XKR4: variants seen among roughly 807,000 people sequenced by gnomAD.
The protein encoded by XKR4 is XK-related protein 4.
A neutral mutation model predicts 53.9 loss-of-function variants in XKR4; 12 were observed. The ratio of observed to expected loss-of-function variants is 0.22; its 90% CI spans 0.14 to 0.36. The LOEUF (loss-of-function observed/expected upper bound fraction) is 0.36, where lower values mean the gene tolerates loss of function less well. XKR4 is among the 10% of genes least tolerant of loss of function. The pLI, the probability that XKR4 is intolerant of heterozygous loss-of-function variation, is 1.00. For synonymous variants in XKR4, 354 were observed against 362.4 expected (o/e 0.98, Z 0.26); for missense variants, 799 against 859.5 (o/e 0.93, Z 0.88).
intron 1 of XKR4, among the ~76,000 whole-genome samples, chr8:55,194,769 C>A (rs769905736): frequency 6.6e-6 from 1 of 152,106 alleles, no homozygotes; most frequent in Admixed American, 6.5e-5. Flanking sequence ...TCTCAGGTGT[C>A]AAACAAAGGA....
intron 2 of XKR4, among the ~76,000 whole-genome samples, chr8:55,388,047 A>T (rs1274866121): frequency 6.6e-6 from 1 of 152,198 alleles, no homozygotes; most frequent in Non-Finnish European, 1.5e-5. Context: ...TAATTTTTTA[A>T]AAAATAATTT....
At chr8:55,419,179 G>T (rs1023273588) in intron 2 of XKR4, among the ~76,000 whole-genome samples, 3 of 152,164 alleles carry the variant, frequency 2.0e-5, no homozygotes, top group African/African-American at 7.2e-5. Flanking sequence ...GAGGTCAGGA[G>T]TTCAAGACCA....
chr8:55,500,181 C>CAAAAAGAAAAAAAAAAAAAAA (rs1806414907), intron 2 of XKR4, among the ~76,000 whole-genome samples: 1 of 115,610 alleles, frequency 8.6e-6, no homozygotes, highest in African/African-American at 4.0e-5. Flanking sequence ...CAAATTGGGC[C>CAAAAAGAAAAAAAAAAAAAAA]AAAAAAAAAA....
intron 2 of XKR4, among the ~76,000 whole-genome samples, chr8:55,431,915 C>G (rs896117396): frequency 6.6e-6 from 1 of 152,052 alleles, no homozygotes; most frequent in Admixed American, 6.5e-5. Flanking sequence ...ACCCATTGAT[C>G]ATTAATCCAA....
chr8:55,357,441 T>G (rs1294468969), intron 1 of XKR4, among the ~76,000 whole-genome samples: 2 of 152,212 alleles, frequency 1.3e-5, no homozygotes, highest in Non-Finnish European at 2.9e-5. Context: ...TTCTTCATAT[T>G]GCAATTGAGC....
intron 1 of XKR4, among the ~76,000 whole-genome samples, chr8:55,309,151 G>T (rs113533769): frequency 4.6e-5 from 7 of 152,296 alleles, no homozygotes; most frequent in African/African-American, 1.7e-4. Context: ...AACACAAAAA[G>T]TTGTAAGTCA....
intron 2 of XKR4, among the ~76,000 whole-genome samples, chr8:55,391,330 T>C (rs1036105476): frequency 1.3e-5 from 2 of 152,232 alleles, no homozygotes; most frequent in Non-Finnish European, 2.9e-5. Context: ...GTAGCTTTAT[T>C]ATAACAACAA....
intron 2 of XKR4, among the ~76,000 whole-genome samples, chr8:55,430,644 G>C (rs1431475703): frequency 2.0e-5 from 3 of 152,202 alleles, no homozygotes; most frequent in Non-Finnish European, 4.4e-5. Flanking sequence ...CTATGTTAGT[G>C]CTAGGACTGT....
intron 1 of XKR4, chr8:55,164,564 G>A: frequency 2.5e-6 from 1 of 399,816 alleles, no homozygotes; most frequent in South Asian, 1.8e-5. Flanking sequence ...TAGTGCTTAT[G>A]GGCAAAATGA....
At chr8:55,199,700 G>C (rs1219855313) in intron 1 of XKR4, among the ~76,000 whole-genome samples, 1 of 152,182 alleles carries the variant, frequency 6.6e-6, no homozygotes, top group African/African-American at 2.4e-5. Context: ...ACTAACATTA[G>C]AGAAAATAAA....
intron 1 of XKR4, among the ~76,000 whole-genome samples, chr8:55,329,619 G>T (rs977273675): frequency 6.6e-6 from 1 of 152,262 alleles, no homozygotes; most frequent in Middle Eastern, 3.4e-3. Context: ...TAAATACCTA[G>T]TTCTTGTTTA....
At chr8:55,235,224 G>A (rs761982411) in intron 1 of XKR4, among the ~76,000 whole-genome samples, 5 of 152,168 alleles carry the variant, frequency 3.3e-5, no homozygotes, top group South Asian at 4.1e-4. Flanking sequence ...TCTCCTCTTC[G>A]AATAATGATT....
At chr8:55,465,773 C>T (rs1239691549) in intron 2 of XKR4, among the ~76,000 whole-genome samples, 2 of 151,936 alleles carry the variant, frequency 1.3e-5, no homozygotes, top group Non-Finnish European at 2.9e-5. Context: ...CTACAATGAA[C>T]TCAAACAAAT....
intron 1 of XKR4, among the ~76,000 whole-genome samples, chr8:55,177,210 T>C (rs2129359255): frequency 6.6e-6 from 1 of 152,132 alleles, no homozygotes; most frequent in South Asian, 2.1e-4. Context: ...CTAACTTTTG[T>C]ATTTTTAGTA....
At chr8:55,124,142 C>G (rs957941020) in intron 1 of XKR4, among the ~76,000 whole-genome samples, 4 of 152,170 alleles carry the variant, frequency 2.6e-5, no homozygotes, top group African/African-American at 9.7e-5. Flanking sequence ...CCCCTAACTT[C>G]CCCTGATTTC....
chr8:55,364,324 C>G (rs1803941353), intron 2 of XKR4, among the ~76,000 whole-genome samples: 1 of 152,160 alleles, frequency 6.6e-6, no homozygotes, highest in African/African-American at 2.4e-5. Context: ...CCAGCACATT[C>G]CACCCCCGGG....
chr8:55,447,427 A>G (rs1053233194), intron 2 of XKR4, among the ~76,000 whole-genome samples: 3 of 152,224 alleles, frequency 2.0e-5, no homozygotes, highest in Non-Finnish European at 4.4e-5. Context: ...TAACACACAC[A>G]GACTAGCTTT....
rs141416551 is a variant in XKR4 at position 55,466,501 on chromosome 8, G to T, written c.1007-56780G>T. Reference sequence around the variant, plus strand: ...GGACTGTTATGGAGTGGGGGGAGGGGGAAGGGATAGCATTAGGTGATATAC... The same window carrying T: ...GGACTGTTATGGAGTGGGGGGAGGGTGAAGGGATAGCATTAGGTGATATAC... On this transcript the variant is annotated intron_variant, in intron 2 of 2. Coordinates refer to ENST00000327381, the MANE Select transcript of XKR4 (RefSeq NM_052898.2). Among the ~76,000 whole-genome samples, 578 of 152,092 alleles carry T rather than the reference G, an allele frequency of 3.8e-3. 5 individuals are homozygous for T. Among genetic ancestry groups the T allele is most frequent in the South Asian group, 0.024 (115 of 4,810 alleles).
chr8:55,409,064 G>C (rs1804737582), intron 2 of XKR4, among the ~76,000 whole-genome samples: 1 of 151,496 alleles, frequency 6.6e-6, no homozygotes, highest in Non-Finnish European at 1.5e-5. Flanking sequence ...CAGGGGTCCA[G>C]GAGGCTCTGG....
Sources: allele counts gnomAD v4.1 joint callset (sites outside exome capture counted in the v4.1 genomes callset), GRCh38; gene constraint gnomAD v4.1.1; transcripts MANE v1.5; gene names NCBI Gene and HGNC (gene_info 2026-07-23, HGNC 2026-07-21).